ERP44: variants seen among roughly 807,000 people sequenced by gnomAD.
ERP44 encodes endoplasmic reticulum protein 44.
A neutral mutation model predicts 53.4 loss-of-function variants in ERP44; 25 were observed. The ratio of observed to expected loss-of-function variants is 0.47; its 90% CI spans 0.34 to 0.65. The LOEUF is 0.65. Among genes scored for constraint, ERP44 ranks in the 30% least tolerant of loss-of-function variants. The probability of loss-of-function intolerance (pLI) is 0.01; values close to 1 mark genes in which losing one functional copy is unlikely to be tolerated. For synonymous variants in ERP44, 145 were observed against 161.2 expected, an observed-to-expected ratio of 0.90 and a Z score of 0.76; for missense variants, 338 against 493.2, an observed-to-expected ratio of 0.69 and a Z score of 2.98.
intron 1 of ERP44, among the ~76,000 whole-genome samples, chr9:100,075,404 C>T (rs557027547): frequency 6.6e-6 from 1 of 152,234 alleles, no homozygotes; most frequent in Non-Finnish European, 1.5e-5. Flanking sequence ...CAGCAATATA[C>T]CTTTACTGTC....
At chr9:100,083,542 G>C (rs1290333540) in intron 1 of ERP44, among the ~76,000 whole-genome samples, 1 of 152,192 alleles carries the variant, frequency 6.6e-6, no homozygotes, top group African/African-American at 2.4e-5. Context: ...AACTGAAAGG[G>C]AAGACTATTT....
chr9:100,029,949 G>A (rs1284647690), intron 4 of ERP44, among the ~76,000 whole-genome samples: 2 of 152,062 alleles, frequency 1.3e-5, no homozygotes, highest in East Asian at 1.9e-4. Context: ...TTAGCCGGGC[G>A]TGGTGGTGCG....
chr9:100,073,865 A>G (rs1295615984), intron 1 of ERP44, among the ~76,000 whole-genome samples: 1 of 152,224 alleles, frequency 6.6e-6, no homozygotes, highest in East Asian at 1.9e-4. Context: ...AGAAACACAA[A>G]TAAAAGTTTC....
intron 10 of ERP44, among the ~76,000 whole-genome samples, chr9:99,997,836 T>C (rs1472697703): frequency 2.0e-5 from 3 of 151,944 alleles, no homozygotes; most frequent in African/African-American, 7.3e-5. Context: ...TCACAAAGGT[T>C]GTAACAAACA....
intron 4 of ERP44, among the ~76,000 whole-genome samples, chr9:100,031,567 A>G (rs1266350645): frequency 6.6e-6 from 1 of 152,172 alleles, no homozygotes; most frequent in Admixed American, 6.5e-5. Flanking sequence ...TCCACGAACC[A>G]TCTTGAATTT....
chr9:99,985,092 T>A (rs1346298267), intron 10 of ERP44, 23 bp from the exon 11 acceptor site: 1 of 1,477,986 alleles, frequency 6.8e-7, no homozygotes, highest in Non-Finnish European at 9.5e-7. Context: ...TCAAATAAAA[T>A]GTAAACTGTT....
rs1168903331 is a variant in ERP44, at chr9:100,043,291, A to AAG, written c.286+9125_286+9126insCT. On this transcript the variant is annotated intron_variant, in intron 4 of 11. Coordinates refer to ENST00000262455, the MANE Select transcript of ERP44 (RefSeq NM_015051.3). ...AAAAAAAAAAAAAAAAAAAAAAAAA[A>AAG]GATAAATAAGACATAGTATTTGCTA... 5.6e-3 allele frequency among the ~76,000 whole-genome samples: 421 copies of AAG among 74,872 alleles called. 78 individuals carry two copies. Among genetic ancestry groups the AAG allele is most frequent in the Middle Eastern group, 0.02 (2 of 98 alleles). 49.1% of individuals were successfully genotyped at this position (74,872 alleles called of 152,430 possible). A position where few individuals can be genotyped will look rare whatever the true frequency, so the allele number is the denominator to read the frequency against.
At chr9:100,020,310 T>G (rs1378943478) in intron 6 of ERP44, among the ~76,000 whole-genome samples, 1 of 152,242 alleles carries the variant, frequency 6.6e-6, no homozygotes, top group Non-Finnish European at 1.5e-5. Context: ...CCCCACAGAT[T>G]AGCATTTTGT....
At chr9:100,029,517 T>G (rs1421790870) in intron 4 of ERP44, among the ~76,000 whole-genome samples, 5 of 152,124 alleles carry the variant, frequency 3.3e-5, no homozygotes, top group Non-Finnish European at 7.4e-5. Context: ...AATGTGAAAA[T>G]AATTAATACT....
chr9:100,091,500 GACATTTGGCCACGTCAGCCAACCAGACA>G (rs752439532), intron 1 of ERP44, among the ~76,000 whole-genome samples: 4 of 152,140 alleles, frequency 2.6e-5, no homozygotes, highest in Non-Finnish European at 5.9e-5. Flanking sequence ...GGCCAATTCT[GACATTTGGCCACGTCAGCCAACCAGACA>G]ACAAGATTTC....
chr9:100,083,686 G>A (rs1826451011), intron 1 of ERP44, among the ~76,000 whole-genome samples: 1 of 152,186 alleles, frequency 6.6e-6, no homozygotes, highest in Non-Finnish European at 1.5e-5. Context: ...TTTGGAAATC[G>A]TGTTTGACTA....
At chr9:100,004,964 G>A (rs766207495) in intron 10 of ERP44, among the ~76,000 whole-genome samples, 1 of 152,164 alleles carries the variant, frequency 6.6e-6, no homozygotes, top group Non-Finnish European at 1.5e-5. Context: ...TGCAGCCAGA[G>A]TAATCTTTAA....
At chr9:100,033,835 T>C (rs961999265) in intron 4 of ERP44, among the ~76,000 whole-genome samples, 2 of 152,204 alleles carry the variant, frequency 1.3e-5, no homozygotes, top group African/African-American at 4.8e-5. Flanking sequence ...ATATCAATGC[T>C]TTCTGACTCA....
At chr9:100,037,123 C>A (rs1825854386) in intron 4 of ERP44, among the ~76,000 whole-genome samples, 1 of 152,164 alleles carries the variant, frequency 6.6e-6, no homozygotes, top group South Asian at 2.1e-4. Flanking sequence ...CAACACCACC[C>A]CTCACTCATC....
intron 1 of ERP44, among the ~76,000 whole-genome samples, chr9:100,061,599 T>C (rs1041213051): frequency 2.7e-4 from 39 of 146,844 alleles, no homozygotes; most frequent in East Asian, 2.6e-3. Flanking sequence ...TTTATAGAAA[T>C]ATATATATTT....
chr9:99,989,663 A>T (rs1449311539), intron 10 of ERP44, among the ~76,000 whole-genome samples: 1 of 152,234 alleles, frequency 6.6e-6, no homozygotes, highest in Non-Finnish European at 1.5e-5. Context: ...GCTCCTCGCC[A>T]GCAATGGAAC....
intron 1 of ERP44, among the ~76,000 whole-genome samples, chr9:100,088,383 C>G (rs1336464546): frequency 2.0e-5 from 3 of 152,242 alleles, no homozygotes; most frequent in Non-Finnish European, 4.4e-5. Flanking sequence ...TTTGCACTGA[C>G]TAACGGCCCT....
chr9:100,007,952 T>C (rs1181763927), intron 8 of ERP44, among the ~76,000 whole-genome samples: 1 of 152,202 alleles, frequency 6.6e-6, no homozygotes, highest in African/African-American at 2.4e-5. Context: ...CCACTGTCTG[T>C]TAGCCAGTAT....
At chr9:99,995,920 CTTTTTT>C (rs34632626) in intron 10 of ERP44, among the ~76,000 whole-genome samples, 1 of 121,434 alleles carries the variant, frequency 8.2e-6, no homozygotes, top group African/African-American at 3.1e-5. Flanking sequence ...TAGGGTAGTT[CTTTTTT>C]TTTTTTTTTT....
Sources: gnomAD v4.1 joint callset for allele counts (sites outside exome capture counted in the v4.1 genomes callset) on GRCh38, gnomAD v4.1.1 for gene constraint, MANE v1.5 for transcripts, NCBI Gene and HGNC (gene_info 2026-07-23, HGNC 2026-07-21) for gene names.